The following ARFGEF1 variants were observed in gnomAD, a reference collection of about 807,000 sequenced individuals.
ARFGEF1 encodes brefeldin A-inhibited guanine nucleotide-exchange protein 1.
In ARFGEF1, 42 loss-of-function variants were observed where a neutral mutation model predicts 231.0. The observed-to-expected ratio is 0.18, with a 90% confidence interval of 0.14 to 0.24. The LOEUF (loss-of-function observed/expected upper bound fraction) is 0.24. Ranked by LOEUF, ARFGEF1 falls within the 10% of genes least tolerant of loss-of-function variation. The probability of loss-of-function intolerance (pLI) is 1.00; values close to 1 mark genes in which losing one functional copy is unlikely to be tolerated. For missense variants in ARFGEF1, 1,345 were observed against 2,192.0 expected, an observed-to-expected ratio of 0.61 and a Z score of 7.72; for synonymous variants, 710 against 732.3, an observed-to-expected ratio of 0.97 and a Z score of 0.49.
At chr8:67,218,509 G>GA (rs1249316286) in intron 30 of ARFGEF1, among the ~76,000 whole-genome samples, 2 of 151,834 alleles carry the variant, frequency 1.3e-5, no homozygotes, top group Non-Finnish European at 2.9e-5. Flanking sequence ...GACAGAACAT[G>GA]AAAGGGAAAT....
chr8:67,273,141 A>G (rs1805166566), intron 9 of ARFGEF1, among the ~76,000 whole-genome samples: 1 of 152,010 alleles, frequency 6.6e-6, no homozygotes, highest in Admixed American at 6.6e-5. Context: ...ATAAAAATAC[A>G]AACTTAAATA....
At chr8:67,259,154 G>C (rs1262616640) in intron 15 of ARFGEF1, among the ~76,000 whole-genome samples, 1 of 152,214 alleles carries the variant, frequency 6.6e-6, no homozygotes, top group African/African-American at 2.4e-5. Context: ...TGAATCCACA[G>C]ATGTAGAATC....
chr8:67,337,467 C>G (rs970887752), intron 1 of ARFGEF1, among the ~76,000 whole-genome samples: 3 of 152,156 alleles, frequency 2.0e-5, no homozygotes, highest in African/African-American at 7.2e-5. Context: ...CTTTCCACCA[C>G]CACCAACTTA....
intron 4 of ARFGEF1, among the ~76,000 whole-genome samples, chr8:67,298,783 T>C (rs1806351151): frequency 6.6e-6 from 1 of 152,172 alleles, no homozygotes; most frequent in Non-Finnish European, 1.5e-5. Flanking sequence ...GTTTTTTTCT[T>C]GAGACTGAGT....
At chr8:67,213,011 CACTA>C (rs1838805334) in intron 33 of ARFGEF1, among the ~76,000 whole-genome samples, 1 of 152,154 alleles carries the variant, frequency 6.6e-6, no homozygotes, top group South Asian at 2.1e-4. Context: ...CAATTTTTCT[CACTA>C]ACCAATGTAA....
At chr8:67,195,794 A>C, downstream of ARFGEF1, 1 of 542,452 alleles carries the variant, frequency 1.8e-6, no homozygotes, top group Non-Finnish European at 3.3e-6. Context: ...AGAATTGTAT[A>C]GATTATTTTT....
At chr8:67,331,396 C>T (rs1808091376) in intron 1 of ARFGEF1, among the ~76,000 whole-genome samples, 1 of 152,144 alleles carries the variant, frequency 6.6e-6, no homozygotes, top group Admixed American at 6.5e-5. Context: ...GGAATTAGTG[C>T]CCTTATAAAA....
intron 5 of ARFGEF1, chr8:67,180,023 T>TAA (rs768421527): frequency 1.5e-4 from 69 of 473,212 alleles, no homozygotes; most frequent in South Asian, 2.0e-4. Context: ...TACAAGGTAG[T>TAA]AAAAAAAAAA....
At chr8:67,309,778 T>C (rs1323590872) in intron 1 of ARFGEF1, among the ~76,000 whole-genome samples, 3 of 152,238 alleles carry the variant, frequency 2.0e-5, no homozygotes, top group Non-Finnish European at 4.4e-5. Flanking sequence ...ATCTTGTGAA[T>C]GGTCTTAATC....
intron 9 of ARFGEF1, among the ~76,000 whole-genome samples, chr8:67,272,699 T>TA (rs1011121178): frequency 7.2e-5 from 11 of 152,190 alleles, no homozygotes; most frequent in Admixed American, 5.9e-4. Context: ...TAAACAATAA[T>TA]AAAAAAGTTT....
intron 29 of ARFGEF1, among the ~76,000 whole-genome samples, chr8:67,224,309 T>C (rs186521221): frequency 1.8e-4 from 27 of 152,258 alleles, no homozygotes; most frequent in African/African-American, 5.8e-4. Context: ...AAAACTACTA[T>C]GGGAATCATG....
At chr8:67,211,445 A>G in intron 34 of ARFGEF1, 38 bp downstream of exon 34, 1 of 1,496,406 alleles carries the variant, frequency 6.7e-7, no homozygotes, top group Non-Finnish European at 9.0e-7. Context: ...TTTCCTACAT[A>G]AAACACAAAT....
intron 34 of ARFGEF1, among the ~76,000 whole-genome samples, chr8:67,209,560 T>C (rs964539869): frequency 2.0e-5 from 3 of 151,882 alleles, no homozygotes; most frequent in Admixed American, 6.5e-5. Context: ...ACTTGCATAT[T>C]GTTATTTCTG....
chr8:67,309,415 T>C (rs1417339024), intron 1 of ARFGEF1, among the ~76,000 whole-genome samples: 1 of 152,234 alleles, frequency 6.6e-6, no homozygotes, highest in East Asian at 1.9e-4. Flanking sequence ...TTACATAGTA[T>C]GCAGACATTT....
intron 3 of ARFGEF1, 110 bp downstream of exon 3, chr8:67,301,112 CAA>C (rs1319217225): frequency 2.8e-6 from 3 of 1,073,282 alleles, no homozygotes; most frequent in Non-Finnish European, 3.9e-6. Context: ...TTTTTTACCA[CAA>C]AAAAGAGTAT....
downstream of ARFGEF1, among the ~76,000 whole-genome samples, chr8:67,197,351 G>A (rs1351915622): frequency 6.6e-6 from 1 of 152,106 alleles, no homozygotes; most frequent in African/African-American, 2.4e-5. Context: ...CTACTGGGGA[G>A]GGTGGAGTGT....
intron 9 of ARFGEF1, among the ~76,000 whole-genome samples, 196 bp downstream of exon 9, chr8:67,275,780 T>C (rs1010486709): frequency 6.6e-6 from 1 of 152,156 alleles, no homozygotes; most frequent in Admixed American, 6.5e-5. Context: ...TAGGAAATAG[T>C]GTAAGTTATC....
chr8:67,270,453 G>A (rs932191415), intron 10 of ARFGEF1, among the ~76,000 whole-genome samples: 1 of 151,910 alleles, frequency 6.6e-6, no homozygotes, highest in African/African-American at 2.4e-5. Flanking sequence ...TTTCTAACAA[G>A]CTAGTGAATT....
At chr8:67,334,586 G>A (rs1364419404) in intron 1 of ARFGEF1, among the ~76,000 whole-genome samples, 1 of 152,102 alleles carries the variant, frequency 6.6e-6, no homozygotes, top group Admixed American at 6.6e-5. Context: ...GTCTACCTAG[G>A]ACAAATAACA....
Sources: gnomAD v4.1 joint callset for allele counts (sites outside exome capture counted in the v4.1 genomes callset) on GRCh38, gnomAD v4.1.1 for gene constraint, MANE v1.5 for transcripts, NCBI Gene and HGNC (gene_info 2026-07-23, HGNC 2026-07-21) for gene names.